ENTREP2: variants seen among roughly 807,000 people sequenced by gnomAD.
ENTREP2 encodes protein ENTREP2.
chr15:29,520,295 C>T, the ENTREP2 span, among the ~76,000 whole-genome samples: 1 of 152,148 alleles, frequency 6.6e-6, no homozygotes, highest in Non-Finnish European at 1.5e-5. Context: ...ATAATATTCT[C>T]CATAAATATA....
the ENTREP2 span, among the ~76,000 whole-genome samples, chr15:29,183,622 C>A: frequency 6.6e-6 from 1 of 152,160 alleles, no homozygotes. Flanking sequence ...CTAAGGCAAC[C>A]CTTATCTACA....
At chr15:29,364,110 A>T in the ENTREP2 span, among the ~76,000 whole-genome samples, 1 of 152,232 alleles carries the variant, frequency 6.6e-6, no homozygotes. Context: ...GTAGCTTCTA[A>T]TTAAAAGGAA....
At chr15:29,259,182 C>G in the ENTREP2 span, among the ~76,000 whole-genome samples, 38 of 152,274 alleles carry the variant, frequency 2.5e-4, 1 homozygote, top group East Asian at 7.1e-3. Context: ...GGAATAAAAT[C>G]TGCTCAAAAT....
the ENTREP2 span, among the ~76,000 whole-genome samples, chr15:29,657,488 G>C: frequency 2.7e-4 from 33 of 121,766 alleles, no homozygotes; most frequent in African/African-American, 7.9e-4. Context: ...GGGGGCGGGG[G>C]GGGGGGGTGG....
At chr15:29,645,904 CTCAG>C in the ENTREP2 span, among the ~76,000 whole-genome samples, 1 of 152,078 alleles carries the variant, frequency 6.6e-6, no homozygotes, top group South Asian at 2.1e-4. Flanking sequence ...GTGGGAAATG[CTCAG>C]TATTTTATTG....
chr15:29,318,562 C>T, the ENTREP2 span, among the ~76,000 whole-genome samples: 5 of 152,040 alleles, frequency 3.3e-5, no homozygotes, highest in Non-Finnish European at 5.9e-5. Context: ...CCTCGTGATC[C>T]GCCCACCTCG....
At chr15:29,402,433 G>A in the ENTREP2 span, among the ~76,000 whole-genome samples, 78 of 151,908 alleles carry the variant, frequency 5.1e-4, 2 homozygotes, top group South Asian at 0.011. Context: ...CTCCCATTTC[G>A]GCCTCCCGAA....
chr15:29,341,709 T>C, the ENTREP2 span, among the ~76,000 whole-genome samples: 1 of 151,972 alleles, frequency 6.6e-6, no homozygotes, highest in Non-Finnish European at 1.5e-5. Context: ...TCCCGGGTCT[T>C]GGGGGCCTTC....
the ENTREP2 span, among the ~76,000 whole-genome samples, chr15:29,204,599 A>G: frequency 1.6e-4 from 24 of 152,138 alleles, no homozygotes; most frequent in Non-Finnish European, 3.2e-4. Context: ...ACCCAGGACA[A>G]GCCATGTGAC....
the ENTREP2 span, among the ~76,000 whole-genome samples, chr15:29,182,003 G>A: frequency 6.6e-6 from 1 of 151,976 alleles, no homozygotes; most frequent in Non-Finnish European, 1.5e-5. Flanking sequence ...GAATCAATGT[G>A]AAGACTGGAA....
At chr15:29,473,588 T>TAA in the ENTREP2 span, among the ~76,000 whole-genome samples, 1 of 152,180 alleles carries the variant, frequency 6.6e-6, no homozygotes, top group African/African-American at 2.4e-5. Context: ...CCACCTGTGG[T>TAA]CTTGGTTTTA....
At chr15:29,283,094 C>G in the ENTREP2 span, among the ~76,000 whole-genome samples, 2 of 152,184 alleles carry the variant, frequency 1.3e-5, no homozygotes, top group Non-Finnish European at 2.9e-5. Context: ...GTCTGCATCT[C>G]TGGCAGACCC....
the ENTREP2 span, among the ~76,000 whole-genome samples, chr15:29,572,206 A>G: frequency 6.6e-6 from 1 of 152,208 alleles, no homozygotes; most frequent in East Asian, 1.9e-4. Context: ...AGGGATGAAC[A>G]GGGGGTAGGG....
the ENTREP2 span, among the ~76,000 whole-genome samples, chr15:29,415,979 G>A: frequency 9.9e-5 from 15 of 152,264 alleles, no homozygotes; most frequent in Non-Finnish European, 1.8e-4. Context: ...ACAAGCCACT[G>A]CTCAATGAAA....
the ENTREP2 span, among the ~76,000 whole-genome samples, chr15:29,344,100 C>A: frequency 6.6e-6 from 1 of 152,180 alleles, no homozygotes; most frequent in South Asian, 2.1e-4. Flanking sequence ...AACTCTTCCA[C>A]TCCTGACCCC....
the ENTREP2 span, among the ~76,000 whole-genome samples, chr15:29,489,332 T>C: frequency 1.3e-5 from 2 of 152,114 alleles, no homozygotes; most frequent in Non-Finnish European, 2.9e-5. Flanking sequence ...CAAAAGGTAA[T>C]GTAATATAGA....
the ENTREP2 span, among the ~76,000 whole-genome samples, chr15:29,668,630 A>G: frequency 3.3e-5 from 5 of 152,158 alleles, no homozygotes; most frequent in African/African-American, 1.2e-4. Context: ...CTTTGAAAAC[A>G]TTGCTGGGGC....
chr15:29,294,098 G>C, the ENTREP2 span, among the ~76,000 whole-genome samples: 1 of 152,206 alleles, frequency 6.6e-6, no homozygotes, highest in African/African-American at 2.4e-5. Flanking sequence ...GAAGCAAAGA[G>C]GGCCCTCTGG....
the ENTREP2 span, among the ~76,000 whole-genome samples, chr15:29,490,363 G>A: frequency 5.3e-5 from 8 of 152,186 alleles, no homozygotes; most frequent in Non-Finnish European, 8.8e-5. Context: ...TTACCGCAAA[G>A]AGCGAAAGAA....
Sources: gnomAD v4.1 joint callset for allele counts (sites outside exome capture counted in the v4.1 genomes callset) on GRCh38, gnomAD v4.1.1 for gene constraint, MANE v1.5 for transcripts, NCBI Gene and HGNC (gene_info 2026-07-23, HGNC 2026-07-21) for gene names.